The following CACNA2D3 variants were observed in gnomAD, a reference collection of about 807,000 sequenced individuals.
CACNA2D3 encodes voltage-dependent calcium channel subunit alpha-2/delta-3.
CACNA2D3 carries 60 observed loss-of-function variants against 160.6 expected under a neutral mutation model. The observed-to-expected ratio is 0.37, with a 90% confidence interval of 0.30 to 0.46. The LOEUF (loss-of-function observed/expected upper bound fraction) is 0.46, where lower values mean the gene tolerates loss of function less well. Ranked by LOEUF, CACNA2D3 falls within the 20% of genes least tolerant of loss-of-function variation. CACNA2D3 has a pLI of 1.00. For missense variants in CACNA2D3, 1,205 were observed against 1,365.0 expected (o/e 0.88, Z 1.85); for synonymous variants, 558 against 492.9 (o/e 1.13, Z -1.75).
At chr3:54,444,943 A>C (rs1700197555) in intron 4 of CACNA2D3, among the ~76,000 whole-genome samples, 1 of 152,216 alleles carries the variant, frequency 6.6e-6, no homozygotes, top group Non-Finnish European at 1.5e-5. Flanking sequence ...CCCTCCATGA[A>C]GCCGTCTTCT....
intron 17 of CACNA2D3, among the ~76,000 whole-genome samples, chr3:54,864,730 C>G (rs1420946805): frequency 6.6e-6 from 1 of 152,186 alleles, no homozygotes; most frequent in Non-Finnish European, 1.5e-5. Flanking sequence ...CCAGTCCCAT[C>G]AGCAGTTGCC....
At chr3:54,896,978 A>G (rs1054282881) in intron 26 of CACNA2D3, 108 bp downstream of exon 26, 2 of 1,421,660 alleles carry the variant, frequency 1.4e-6, no homozygotes, top group Non-Finnish European at 9.8e-7. Context: ...ACCAAGTTCA[A>G]CCCTCAGAGC....
intron 2 of CACNA2D3, among the ~76,000 whole-genome samples, chr3:54,244,274 A>G (rs895122473): frequency 1.3e-5 from 2 of 152,232 alleles, no homozygotes; most frequent in African/African-American, 4.8e-5. Flanking sequence ...TGGCCTGGGA[A>G]GAGCAGCTGA....
At chr3:54,748,843 A>C (rs557598975) in intron 11 of CACNA2D3, among the ~76,000 whole-genome samples, 1 of 152,260 alleles carries the variant, frequency 6.6e-6, no homozygotes, top group Non-Finnish European at 1.5e-5. Context: ...TAGGGAAGAA[A>C]CTCCAGTTGT....
At chr3:55,061,380 C>T (rs1320884327) in intron 35 of CACNA2D3, among the ~76,000 whole-genome samples, 1 of 152,186 alleles carries the variant, frequency 6.6e-6, no homozygotes, top group East Asian at 1.9e-4. Flanking sequence ...GTGAGCCATG[C>T]TTATGGCTTC....
chr3:54,658,196 C>T (rs544848229), intron 11 of CACNA2D3, among the ~76,000 whole-genome samples: 2 of 152,240 alleles, frequency 1.3e-5, no homozygotes, highest in African/African-American at 4.8e-5. Context: ...TGGACATATA[C>T]CAAGAAGTGG....
intron 35 of CACNA2D3, among the ~76,000 whole-genome samples, chr3:55,034,127 G>GA (rs1226122728): frequency 6.6e-6 from 1 of 150,834 alleles, no homozygotes; most frequent in South Asian, 2.1e-4. Flanking sequence ...GATCCTTGGG[G>GA]AAAAAAAATG....
At chr3:54,367,619 T>C in intron 3 of CACNA2D3, 1 of 358,518 alleles carries the variant, frequency 2.8e-6, no homozygotes, top group Admixed American at 3.2e-5. Context: ...TACAGGGGCT[T>C]GAACGACCCC....
chr3:54,819,848 AACACACACAC>A (rs150854721), intron 14 of CACNA2D3, among the ~76,000 whole-genome samples: 1 of 151,484 alleles, frequency 6.6e-6, no homozygotes, highest in South Asian at 2.1e-4. Flanking sequence ...CACCTCAAAA[AACACACACAC>A]ACACACAAAA....
At chr3:54,372,551 T>C (rs1000466222) in intron 3 of CACNA2D3, among the ~76,000 whole-genome samples, 8 of 152,220 alleles carry the variant, frequency 5.3e-5, no homozygotes, top group African/African-American at 1.9e-4. Flanking sequence ...TTTACTTCTG[T>C]GTAAAATGGG....
At chr3:54,525,651 T>G (rs1701713387) in intron 5 of CACNA2D3, among the ~76,000 whole-genome samples, 2 of 152,170 alleles carry the variant, frequency 1.3e-5, no homozygotes, top group South Asian at 4.1e-4. Flanking sequence ...TTTCATTGTT[T>G]TGATGGCCTT....
intron 9 of CACNA2D3, among the ~76,000 whole-genome samples, chr3:54,620,365 T>A (rs1698958206): frequency 6.6e-6 from 1 of 152,128 alleles, no homozygotes; most frequent in African/African-American, 2.4e-5. Flanking sequence ...AGTGACCTAT[T>A]AAAGTGAAGT....
intron 4 of CACNA2D3, among the ~76,000 whole-genome samples, chr3:54,463,821 C>T (rs981722612): frequency 1.4e-4 from 21 of 152,294 alleles, no homozygotes; most frequent in African/African-American, 2.4e-4. Flanking sequence ...TGAGGAACTG[C>T]GTTCTTTTGG....
intron 4 of CACNA2D3, among the ~76,000 whole-genome samples, chr3:54,424,681 C>A (rs1575447625): frequency 6.6e-6 from 1 of 152,294 alleles, no homozygotes; most frequent in East Asian, 1.9e-4. Flanking sequence ...GGAGGCAACA[C>A]CTGGTCTACT....
At chr3:54,318,529 T>C (rs1475005750) in intron 2 of CACNA2D3, among the ~76,000 whole-genome samples, 1 of 151,834 alleles carries the variant, frequency 6.6e-6, no homozygotes. Context: ...TTTTCCAGGG[T>C]CAACTTAATG....
intron 27 of CACNA2D3, among the ~76,000 whole-genome samples, chr3:54,963,047 A>G (rs1702068641): frequency 6.6e-6 from 1 of 152,224 alleles, no homozygotes; most frequent in Non-Finnish European, 1.5e-5. Context: ...GCATGATTTC[A>G]TCTTGAATGC....
chr3:54,358,495 A>G (rs185604576), intron 3 of CACNA2D3, among the ~76,000 whole-genome samples: 26 of 152,310 alleles, frequency 1.7e-4, no homozygotes, highest in African/African-American at 5.5e-4. Flanking sequence ...AGGTTTCATC[A>G]TCTGTAAAAT....
intron 2 of CACNA2D3, among the ~76,000 whole-genome samples, chr3:54,213,634 G>A (rs369141575): frequency 4.9e-4 from 74 of 152,334 alleles, no homozygotes; most frequent in East Asian, 4.8e-3. Flanking sequence ...CTTTCAGGTT[G>A]CTGAATGCAG....
At chr3:54,552,993 A>G (rs1266205400) in intron 5 of CACNA2D3, among the ~76,000 whole-genome samples, 1 of 152,206 alleles carries the variant, frequency 6.6e-6, no homozygotes, top group Non-Finnish European at 1.5e-5. Context: ...GAGGGAGACT[A>G]GAGCATTCTC....
Sources: gnomAD v4.1 joint callset for allele counts (sites outside exome capture counted in the v4.1 genomes callset) on GRCh38, gnomAD v4.1.1 for gene constraint, MANE v1.5 for transcripts, NCBI Gene and HGNC (gene_info 2026-07-23, HGNC 2026-07-21) for gene names.